Variants in LRRC37A2 observed in about 807,000 individuals in gnomAD.
LRRC37A2 encodes the protein leucine-rich repeat-containing protein 37A2.
In LRRC37A2, 9 loss-of-function variants were observed where a neutral mutation model predicts 68.8. The ratio of observed to expected loss-of-function variants is 0.13; its 90% CI spans 0.08 to 0.23. The LOEUF is 0.23. LRRC37A2 is among the 10% of genes least tolerant of loss of function. The probability of loss-of-function intolerance (pLI) is 1.00; values close to 1 mark genes in which losing one functional copy is unlikely to be tolerated. For synonymous variants in LRRC37A2, 63 were observed against 367.6 expected, an observed-to-expected ratio of 0.17 and a Z score of 9.48; for missense variants, 168 against 950.4, an observed-to-expected ratio of 0.18 and a Z score of 10.82.
the LRRC37A2 span, among the ~76,000 whole-genome samples, chr17:46,866,321 G>A: frequency 5.3e-5 from 8 of 152,148 alleles, no homozygotes; most frequent in African/African-American, 1.4e-4. Context: ...GGTTGGGAGC[G>A]GAGAGCACAG....
chr17:46,929,589 GTAAT>G, the LRRC37A2 span: 2 of 1,403,912 alleles, frequency 1.4e-6, no homozygotes, highest in South Asian at 2.3e-5. Flanking sequence ...TGCACAGTGA[GTAAT>G]TAACTGTGGA....
the LRRC37A2 span, among the ~76,000 whole-genome samples, chr17:46,867,551 G>C: frequency 2.0e-5 from 3 of 152,222 alleles, no homozygotes; most frequent in African/African-American, 7.2e-5. Context: ...GCAGGGGGTG[G>C]GTGATTACTG....
chr17:46,996,069 G>C, the LRRC37A2 span, among the ~76,000 whole-genome samples: 1 of 152,190 alleles, frequency 6.6e-6, no homozygotes, highest in East Asian at 1.9e-4. Flanking sequence ...CCTGGAGTGA[G>C]GTCTGCTGCT....
At chr17:46,875,859 T>C in the LRRC37A2 span, among the ~76,000 whole-genome samples, 1 of 152,134 alleles carries the variant, frequency 6.6e-6, no homozygotes, top group Non-Finnish European at 1.5e-5. Flanking sequence ...CTTGGTCTAT[T>C]GAGGGGAGGA....
chr17:46,938,650 A>G, the LRRC37A2 span: 1 of 1,614,158 alleles, frequency 6.2e-7, no homozygotes, highest in Non-Finnish European at 8.5e-7. Flanking sequence ...CTTGTCCAAC[A>G]CAGTGATGCG....
the LRRC37A2 span, among the ~76,000 whole-genome samples, chr17:46,906,724 G>T: frequency 6.6e-6 from 1 of 152,060 alleles, no homozygotes; most frequent in Non-Finnish European, 1.5e-5. Context: ...ATAGGAAGAG[G>T]CTGAGGCACA....
At chr17:46,779,103 A>ACACACACACACACACAC in the LRRC37A2 span, among the ~76,000 whole-genome samples, 109 of 133,640 alleles carry the variant, frequency 8.2e-4, 1 homozygote, top group African/African-American at 2.9e-3. Context: ...ACACACACAC[A>ACACACACACACACACAC]CCCCAGCCCA....
intron 6 of LRRC37A2, among the ~76,000 whole-genome samples, chr17:46,534,197 G>GTTTTTGT (rs372927296): frequency 0.13 from 19,391 of 148,346 alleles, 2 homozygotes; most frequent in Middle Eastern, 0.19. Flanking sequence ...TTTTGTTTTT[G>GTTTTTGT]TTTTTTTTAA....
chr17:46,747,857 A>G, the LRRC37A2 span, among the ~76,000 whole-genome samples: 1 of 152,182 alleles, frequency 6.6e-6, no homozygotes, highest in Non-Finnish European at 1.5e-5. Context: ...AAGGAAATGT[A>G]TTTCCTAGAA....
the LRRC37A2 span, among the ~76,000 whole-genome samples, chr17:46,865,484 C>A: frequency 6.6e-6 from 1 of 152,070 alleles, no homozygotes; most frequent in South Asian, 2.1e-4. Context: ...AGGGTGGGTT[C>A]ATGGGGATGG....
At chr17:46,402,187 A>AG in the LRRC37A2 span, among the ~76,000 whole-genome samples, 40 of 1,282 alleles carry the variant, frequency 0.031, 16 homozygotes, top group African/African-American at 0.035. Flanking sequence ...ATCTAAAAAA[A>AG]AAAAAAAAAA....
chr17:46,820,749 A>C, the LRRC37A2 span, among the ~76,000 whole-genome samples: 2 of 152,146 alleles, frequency 1.3e-5, no homozygotes, highest in African/African-American at 4.8e-5. Context: ...TCCTACCTGG[A>C]GTCCTGTCCC....
At chr17:46,886,368 A>C in the LRRC37A2 span, 1 of 152,256 alleles carries the variant, frequency 6.6e-6, no homozygotes, top group African/African-American at 2.4e-5. Flanking sequence ...TCAATTAATA[A>C]ATAAAATTTG....
At chr17:46,814,507 C>A in the LRRC37A2 span, among the ~76,000 whole-genome samples, 6 of 152,312 alleles carry the variant, frequency 3.9e-5, no homozygotes, top group African/African-American at 1.4e-4. Flanking sequence ...CCATATCCCC[C>A]CCAGGGAAAG....
At chr17:46,979,051 C>T in the LRRC37A2 span, 1 of 1,339,696 alleles carries the variant, frequency 7.5e-7, no homozygotes, top group Non-Finnish European at 9.5e-7. Context: ...CCCGGGTGCA[C>T]TGGGCTGCTC....
chr17:46,978,493 C>T, the LRRC37A2 span: 2 of 894,334 alleles, frequency 2.2e-6, no homozygotes, highest in South Asian at 1.8e-5. Flanking sequence ...TCCCGCGCCC[C>T]CGCCGACAGT....
At chr17:46,895,327 C>T in the LRRC37A2 span, among the ~76,000 whole-genome samples, 7 of 152,230 alleles carry the variant, frequency 4.6e-5, no homozygotes, top group African/African-American at 1.2e-4. Flanking sequence ...CTGAGGTAGC[C>T]GCAGCCCAAG....
At chr17:46,922,423 G>A in the LRRC37A2 span, among the ~76,000 whole-genome samples, 3 of 152,040 alleles carry the variant, frequency 2.0e-5, no homozygotes, top group Non-Finnish European at 4.4e-5. Context: ...CATGGCACAT[G>A]TATACATATG....
the LRRC37A2 span, among the ~76,000 whole-genome samples, chr17:46,723,032 T>TC: frequency 1.3e-5 from 2 of 152,186 alleles, no homozygotes; most frequent in African/African-American, 2.4e-5. Context: ...GGCCATGCAG[T>TC]CAACTGTGAA....
Sources: gnomAD v4.1 joint callset for allele counts (sites outside exome capture counted in the v4.1 genomes callset) on GRCh38, gnomAD v4.1.1 for gene constraint, MANE v1.5 for transcripts, NCBI Gene and HGNC (gene_info 2026-07-23, HGNC 2026-07-21) for gene names.